Variants in GALNT7 observed in about 807,000 individuals in gnomAD.
The protein encoded by GALNT7 is polypeptide N-acetylgalactosaminyltransferase 7.
In GALNT7, 60 loss-of-function variants were observed where a neutral mutation model predicts 82.1. That is an observed-to-expected ratio of 0.73 (90% confidence interval 0.59 to 0.91). The LOEUF (loss-of-function observed/expected upper bound fraction) is 0.91. Among genes scored for constraint, GALNT7 ranks in the 40% least tolerant of loss-of-function variants. The pLI is 0.00. For missense variants in GALNT7, 660 were observed against 804.2 expected (o/e 0.82, Z 2.17); for synonymous variants, 243 against 275.1 (o/e 0.88, Z 1.15).
chr4:173,175,336 T>C (rs545691519), intron 1 of GALNT7, among the ~76,000 whole-genome samples: 29 of 152,368 alleles, frequency 1.9e-4, no homozygotes, highest in Admixed American at 3.9e-4. Context: ...CCACCCTCTA[T>C]TGCAAGTCCG....
At chr4:173,301,787 G>A (rs574461959) in intron 6 of GALNT7, among the ~76,000 whole-genome samples, 2 of 152,166 alleles carry the variant, frequency 1.3e-5, no homozygotes, top group Admixed American at 6.5e-5. Context: ...GTACCAAGGC[G>A]CCCTCTAATG....
At chr4:173,304,365 C>T (rs973905108) in intron 8 of GALNT7, among the ~76,000 whole-genome samples, 6 of 151,618 alleles carry the variant, frequency 4.0e-5, no homozygotes, top group African/African-American at 1.5e-4. Flanking sequence ...CACCACTGCA[C>T]TCCCCGCTGG....
intron 1 of GALNT7, among the ~76,000 whole-genome samples, chr4:173,215,960 A>G (rs1276229652): frequency 1.3e-5 from 2 of 152,098 alleles, no homozygotes; most frequent in Non-Finnish European, 2.9e-5. Flanking sequence ...AAATAAAAAA[A>G]TAAAAATAAA....
chr4:173,169,049 T>G, intron 1 of GALNT7, 88 bp downstream of exon 1: 1 of 1,366,578 alleles, frequency 7.3e-7, no homozygotes, highest in Non-Finnish European at 1.0e-6. Context: ...GGCGGCGGGG[T>G]CGCGGCACGG....
chr4:173,307,928 C>T (rs186793409), intron 8 of GALNT7, among the ~76,000 whole-genome samples: 2 of 152,324 alleles, frequency 1.3e-5, no homozygotes, highest in East Asian at 1.9e-4. Context: ...GGTTCCCCAG[C>T]AGAAGGGCTG....
intron 2 of GALNT7, chr4:173,282,530 G>T (rs1736150943): frequency 6.6e-6 from 1 of 152,058 alleles, no homozygotes; most frequent in Non-Finnish European, 1.5e-5. Context: ...CTTCAGAAGT[G>T]GGAACTCTAA....
chr4:173,273,068 C>A (rs1735785877), intron 2 of GALNT7, among the ~76,000 whole-genome samples: 1 of 152,196 alleles, frequency 6.6e-6, no homozygotes, highest in African/African-American at 2.4e-5. Flanking sequence ...CTAAAGTTAT[C>A]ATGCTGCTAC....
chr4:173,248,750 A>G (rs1734750147), intron 2 of GALNT7, among the ~76,000 whole-genome samples: 1 of 152,182 alleles, frequency 6.6e-6, no homozygotes, highest in South Asian at 2.1e-4. Flanking sequence ...TTGCACCAGG[A>G]TGTAAGTCAA....
intron 1 of GALNT7, among the ~76,000 whole-genome samples, chr4:173,184,400 C>G (rs1198108204): frequency 6.6e-6 from 1 of 152,012 alleles, no homozygotes; most frequent in African/African-American, 2.4e-5. Context: ...AGCTGGAGAC[C>G]AGCCCGACCA....
rs750303712 is a variant in GALNT7 at position 173,298,292 on chromosome 4, G to A, written c.1143G>A (p.Pro381=). 1.4e-5 allele frequency: 21 copies of A among 1,555,176 alleles called. No homozygotes were observed. The highest frequency in any genetic ancestry group is 2.1e-5 in the Admixed American group (1 of 47,352). Residue 381 remains proline (P), a synonymous_variant, in exon 6 of 12, where the codon CCG becomes CCA. Transcript: ENST00000265000. The stretch of plus-strand genomic sequence containing the variant: ...GACTGAGAAAGACAAAAACTGAACC[G>A]TATCGGTAATCACTAAATCACTTAC... ...EKRLRKTKTE[P]YRSPAMAGGL...
chr4:173,242,335 G>A (rs1734465143), intron 1 of GALNT7, among the ~76,000 whole-genome samples: 1 of 152,102 alleles, frequency 6.6e-6, no homozygotes, highest in Non-Finnish European at 1.5e-5. Context: ...TATTTCCATA[G>A]TTACCTGAAA....
chr4:173,282,490 T>C (rs1041460623), intron 2 of GALNT7: 1 of 152,206 alleles, frequency 6.6e-6, no homozygotes, highest in Non-Finnish European at 1.5e-5. Flanking sequence ...CCCCAACTGA[T>C]TTTTTCTTTT....
chr4:173,196,602 G>A (rs1447503831), intron 1 of GALNT7, among the ~76,000 whole-genome samples: 1 of 152,104 alleles, frequency 6.6e-6, no homozygotes, highest in Non-Finnish European at 1.5e-5. Flanking sequence ...TTGTTATATA[G>A]GTAAACGTGT....
At chr4:173,280,817 T>G (rs1417727821) in intron 2 of GALNT7, among the ~76,000 whole-genome samples, 1 of 152,250 alleles carries the variant, frequency 6.6e-6, no homozygotes, top group Non-Finnish European at 1.5e-5. Flanking sequence ...GGGCATTTCT[T>G]TCTTACTAAA....
At chr4:173,241,721 ATACT>A (rs1307777567) in intron 1 of GALNT7, among the ~76,000 whole-genome samples, 6 of 152,154 alleles carry the variant, frequency 3.9e-5, no homozygotes, top group Non-Finnish European at 7.4e-5. Context: ...GCCTAGGAAG[ATACT>A]TATTTATTTC....
intron 2 of GALNT7, among the ~76,000 whole-genome samples, chr4:173,271,288 A>G (rs1440670854): frequency 2.6e-5 from 4 of 152,184 alleles, no homozygotes; most frequent in Non-Finnish European, 5.9e-5. Context: ...GTAATGTTCC[A>G]TTCACTTGTA....
intron 1 of GALNT7, among the ~76,000 whole-genome samples, chr4:173,216,671 T>C (rs969854801): frequency 2.0e-5 from 3 of 147,036 alleles, no homozygotes; most frequent in Admixed American, 1.4e-4. Context: ...GCTACTGTCT[T>C]GTAGTTTCAG....
chr4:173,290,937 G>A (rs545037158), intron 2 of GALNT7, among the ~76,000 whole-genome samples: 1 of 152,216 alleles, frequency 6.6e-6, no homozygotes, highest in East Asian at 1.9e-4. Flanking sequence ...GACAGCAAAG[G>A]TGCCCCTCAC....
chr4:173,247,322 A>C (rs1734679399), intron 1 of GALNT7, among the ~76,000 whole-genome samples: 2 of 151,076 alleles, frequency 1.3e-5, no homozygotes, highest in African/African-American at 4.9e-5. Context: ...GTTTTGACCC[A>C]TGCTGCTTCT....
Sources: gnomAD v4.1 joint callset for allele counts (sites outside exome capture counted in the v4.1 genomes callset) on GRCh38, gnomAD v4.1.1 for gene constraint, MANE v1.5 for transcripts, NCBI Gene and HGNC (gene_info 2026-07-23, HGNC 2026-07-21) for gene names.